The following CDH18 variants were observed in gnomAD, a reference collection of about 807,000 sequenced individuals.
CDH18 encodes cadherin 18.
CDH18 carries 31 observed loss-of-function variants against 67.9 expected under a neutral mutation model. That is an observed-to-expected ratio of 0.46 (90% confidence interval 0.34 to 0.62). The LOEUF (loss-of-function observed/expected upper bound fraction) is 0.62. Among genes scored for constraint, CDH18 ranks in the 20% least tolerant of loss-of-function variants. The pLI is 0.01. For missense variants in CDH18, 890 were observed against 975.5 expected, an observed-to-expected ratio of 0.91 and a Z score of 1.17; for synonymous variants, 362 against 347.2, an observed-to-expected ratio of 1.04 and a Z score of -0.48.
chr5:19,590,483 T>TA lies in CDH18; in HGVS notation c.999+573_999+574insT, dbSNP rs1744918075. Reference sequence around the variant, plus strand: ...ATATGTATACAAGTAGCTAGACAGATGGATAGATAGATAGATAGATAGATA... The same window carrying TA: ...ATATGTATACAAGTAGCTAGACAGATAGGATAGATAGATAGATAGATAGATA... On this transcript the variant is annotated intron_variant, in intron 7 of 12. Coordinates refer to ENST00000382275, the MANE Select transcript of CDH18 (RefSeq NM_004934.5). Among the ~76,000 whole-genome samples the TA allele has an allele frequency of 1.2e-4, 17 of 139,628 alleles. 1 individual carries two copies. Among genetic ancestry groups the TA allele is most frequent in the Admixed American group, 1.0e-3 (14 of 13,836 alleles). The allele number at this position is 139,628 out of a possible 152,430, so 91.6% of individuals were successfully genotyped here.
intron 1 of CDH18, among the ~76,000 whole-genome samples, chr5:20,413,200 C>T (rs891030756): frequency 2.0e-5 from 3 of 152,202 alleles, no homozygotes; most frequent in African/African-American, 4.8e-5. Context: ...TTTTCTTAAT[C>T]CAGTCTATCA....
chr5:20,296,409 C>T (rs1008984625), intron 1 of CDH18, among the ~76,000 whole-genome samples: 11 of 151,212 alleles, frequency 7.3e-5, no homozygotes, highest in African/African-American at 2.4e-4. Context: ...CTACAGGCGC[C>T]CGCCACCACG....
intron 3 of CDH18, among the ~76,000 whole-genome samples, chr5:19,750,661 A>G (rs1770713103): frequency 6.6e-6 from 1 of 152,066 alleles, no homozygotes; most frequent in African/African-American, 2.4e-5. Context: ...AGCTTAGCTA[A>G]CCACTATACT....
At chr5:20,412,184 C>T (rs1311995556) in intron 1 of CDH18, among the ~76,000 whole-genome samples, 2 of 152,048 alleles carry the variant, frequency 1.3e-5, no homozygotes, top group Non-Finnish European at 2.9e-5. Context: ...CAACAATAGT[C>T]ACATAGATCA....
At position 19,915,702 on chromosome 5, in the gene CDH18, A is replaced by C. The variant is rs148666177; in HGVS notation, c.-257+65358T>G. ...ACATATATATCATTGTTTGTTTACA[A>C]GATAAATTATCTGTCTGAAATGGCA... On this transcript the variant is annotated intron_variant, in intron 2 of 12. Coordinates refer to ENST00000382275, the MANE Select transcript of CDH18 (RefSeq NM_004934.5). 8.0e-3 allele frequency among the ~76,000 whole-genome samples: 1,224 copies of C among 152,226 alleles called. 5 individuals carry two copies. Among genetic ancestry groups the C allele is most frequent in the Non-Finnish European group, 0.014 (945 of 67,996 alleles).
chr5:20,571,742 G>A (rs1187284118), intron 1 of CDH18, among the ~76,000 whole-genome samples: 1 of 152,062 alleles, frequency 6.6e-6, no homozygotes, highest in Non-Finnish European at 1.5e-5. Context: ...AAGTCAAGGA[G>A]CTATTCAATA....
intron 2 of CDH18, among the ~76,000 whole-genome samples, chr5:19,927,009 A>C (rs984413404): frequency 6.6e-6 from 1 of 152,166 alleles, no homozygotes; most frequent in African/African-American, 2.4e-5. Flanking sequence ...GAATTGCTAC[A>C]GAATTGTTTT....
chr5:20,503,441 CTA>C (rs1754461263), intron 1 of CDH18, among the ~76,000 whole-genome samples: 1 of 152,074 alleles, frequency 6.6e-6, no homozygotes, highest in African/African-American at 2.4e-5. Context: ...GAATTAATCC[CTA>C]TGAGTTATCA....
At chr5:20,543,332 G>A (rs1757159950) in intron 1 of CDH18, among the ~76,000 whole-genome samples, 1 of 151,882 alleles carries the variant, frequency 6.6e-6, no homozygotes, top group Non-Finnish European at 1.5e-5. Flanking sequence ...AATTATAACA[G>A]CAGTTTCTCA....
At chr5:19,709,761 GA>G (rs1261251078) in intron 5 of CDH18, among the ~76,000 whole-genome samples, 1 of 152,116 alleles carries the variant, frequency 6.6e-6, no homozygotes. Context: ...AAAATGTTGG[GA>G]GAGTTAGGCA....
intron 9 of CDH18, among the ~76,000 whole-genome samples, chr5:19,525,530 G>A (rs1437229975): frequency 1.3e-5 from 2 of 152,128 alleles, no homozygotes; most frequent in Non-Finnish European, 2.9e-5. Flanking sequence ...CAGGAATTAC[G>A]AAAAACAAAA....
At position 20,440,372 on chromosome 5, in the gene CDH18, G is replaced by A. The variant is rs1026321933; in HGVS notation, c.-580+135090C>T. Reference sequence around the variant, plus strand: ...ACTATAGTGAAAGGTAAGTGGTGTGGGTTAAGCAATCAACACATGTGAGGT... The same window carrying A: ...ACTATAGTGAAAGGTAAGTGGTGTGAGTTAAGCAATCAACACATGTGAGGT... On this transcript the variant is annotated intron_variant, in intron 1 of 14. Coordinates refer to the CDH18 transcript ENST00000507958. Among the ~76,000 whole-genome samples the A allele has an allele frequency of 2.0e-5, 3 of 151,906 alleles. No homozygotes were observed. The East Asian group carries it at 5.8e-4, about 29-fold the overall frequency.
At chr5:20,192,398 TG>T (rs1406353411) in intron 2 of CDH18, among the ~76,000 whole-genome samples, 1 of 152,144 alleles carries the variant, frequency 6.6e-6, no homozygotes, top group East Asian at 1.9e-4. Context: ...CAATTGCTTT[TG>T]GCAGTTTGTC....
chr5:20,487,717 A>G (rs1753290758), intron 1 of CDH18, among the ~76,000 whole-genome samples: 1 of 150,994 alleles, frequency 6.6e-6, no homozygotes, highest in East Asian at 1.9e-4. Flanking sequence ...ACTGCCACAA[A>G]TTTGTTAGGT....
At chr5:20,542,439 A>ATG (rs1206234432) in intron 1 of CDH18, among the ~76,000 whole-genome samples, 1 of 151,500 alleles carries the variant, frequency 6.6e-6, no homozygotes, top group Non-Finnish European at 1.5e-5. Context: ...ATACATAGCA[A>ATG]TGTGTGTGTG....
At chr5:19,629,813 C>A (rs1260253683) in intron 5 of CDH18, among the ~76,000 whole-genome samples, 1 of 151,970 alleles carries the variant, frequency 6.6e-6, no homozygotes, top group Non-Finnish European at 1.5e-5. Flanking sequence ...AGACTTTTCA[C>A]ACTATATAGG....
chr5:19,528,397 T>TTCCCCACCCTTA (rs1748073133), intron 9 of CDH18, among the ~76,000 whole-genome samples: 1 of 151,648 alleles, frequency 6.6e-6, no homozygotes, highest in South Asian at 2.1e-4. Context: ...GGGTGTGCAA[T>TTCCCCACCCTTA]CTAATTATAA....
At chr5:20,173,017 A>T (rs1264741762) in intron 2 of CDH18, among the ~76,000 whole-genome samples, 2 of 152,036 alleles carry the variant, frequency 1.3e-5, no homozygotes, top group Non-Finnish European at 2.9e-5. Flanking sequence ...AGAAAGAAAG[A>T]AAGAAATATC....
chr5:20,098,981 C>A (rs1746227068), intron 2 of CDH18, among the ~76,000 whole-genome samples: 1 of 152,096 alleles, frequency 6.6e-6, no homozygotes, highest in South Asian at 2.1e-4. Flanking sequence ...GTTTGCAATG[C>A]TAGAGTGAGA....
Sources: allele counts gnomAD v4.1 joint callset (sites outside exome capture counted in the v4.1 genomes callset), GRCh38; gene constraint gnomAD v4.1.1; transcripts MANE v1.5; gene names NCBI Gene and HGNC (gene_info 2026-07-23, HGNC 2026-07-21).